SKIC3: variants seen among roughly 807,000 people sequenced by gnomAD.
The protein encoded by SKIC3 is superkiller complex protein 3.
chr5:95,523,187 A>C, the SKIC3 span: 1 of 1,613,576 alleles, frequency 6.2e-7, no homozygotes, highest in South Asian at 1.1e-5. Context: ...GTTTAAATAC[A>C]ATAAGGTGCC....
the SKIC3 span, chr5:95,464,674 A>G: frequency 6.2e-7 from 1 of 1,612,806 alleles, no homozygotes; most frequent in African/African-American, 1.3e-5. Context: ...GGCATTGTTT[A>G]CCAGCACCTA....
chr5:95,536,990 T>C, the SKIC3 span: 2 of 1,602,782 alleles, frequency 1.2e-6, no homozygotes, highest in African/African-American at 2.7e-5. Context: ...ATGAACACTT[T>C]CCTAATTAGA....
the SKIC3 span, chr5:95,525,356 C>T: frequency 6.4e-7 from 1 of 1,563,282 alleles, no homozygotes; most frequent in Non-Finnish European, 8.8e-7. Context: ...ATATAAAGAA[C>T]TAAGATGTAA....
chr5:95,486,610 C>T, the SKIC3 span, among the ~76,000 whole-genome samples: 1 of 152,214 alleles, frequency 6.6e-6, no homozygotes, highest in African/African-American at 2.4e-5. Context: ...GCTCCATTCC[C>T]CAGAGTACCC....
At chr5:95,479,675 TTGTGTGTGTGTGTGTGTG>T in the SKIC3 span, among the ~76,000 whole-genome samples, 38 of 143,986 alleles carry the variant, frequency 2.6e-4, no homozygotes, top group Admixed American at 7.7e-4. Flanking sequence ...GGAAAAAACA[TTGTGTGTGTGTGTGTGTG>T]TGTGTGTGTG....
the SKIC3 span, among the ~76,000 whole-genome samples, chr5:95,503,460 A>G: frequency 1.3e-5 from 2 of 152,242 alleles, no homozygotes; most frequent in Non-Finnish European, 2.9e-5. Context: ...TATTACTAAC[A>G]ATGGTTGAGG....
chr5:95,498,432 C>T, the SKIC3 span: 3 of 1,614,102 alleles, frequency 1.9e-6, no homozygotes, highest in Admixed American at 3.3e-5. Context: ...GTGCATAAAT[C>T]GCTGATGTAA....
chr5:95,526,213 C>G, the SKIC3 span, among the ~76,000 whole-genome samples: 3 of 151,930 alleles, frequency 2.0e-5, no homozygotes, highest in Non-Finnish European at 2.9e-5. Flanking sequence ...AATGATAATG[C>G]CTTGTCTCTT....
the SKIC3 span, among the ~76,000 whole-genome samples, chr5:95,490,654 C>T: frequency 2.0e-5 from 3 of 151,736 alleles, no homozygotes; most frequent in East Asian, 1.9e-4. Flanking sequence ...CCCGCCACCA[C>T]GCTCAGCTAA....
chr5:95,552,695 G>A, the SKIC3 span, among the ~76,000 whole-genome samples: 1 of 152,060 alleles, frequency 6.6e-6, no homozygotes, highest in African/African-American at 2.4e-5. Context: ...AAAATGGCGG[G>A]AGGGAAGTAG....
At chr5:95,511,239 C>A in the SKIC3 span, among the ~76,000 whole-genome samples, 1 of 151,974 alleles carries the variant, frequency 6.6e-6, no homozygotes, top group Non-Finnish European at 1.5e-5. Context: ...TGAAACCCCA[C>A]CTCTACTAAA....
the SKIC3 span, among the ~76,000 whole-genome samples, chr5:95,532,928 A>T: frequency 1.3e-5 from 2 of 152,166 alleles, no homozygotes; most frequent in African/African-American, 2.4e-5. Context: ...AAAGCTGATC[A>T]ATACTATCTA....
the SKIC3 span, among the ~76,000 whole-genome samples, chr5:95,542,393 A>C: frequency 6.6e-6 from 1 of 152,186 alleles, no homozygotes; most frequent in Non-Finnish European, 1.5e-5. Context: ...TAACTAACAT[A>C]ACCATGCTAC....
chr5:95,490,924 A>T, the SKIC3 span: 1 of 1,614,176 alleles, frequency 6.2e-7, no homozygotes, highest in Non-Finnish European at 8.5e-7. Flanking sequence ...CAGAAACAGC[A>T]GATAACAGTG....
chr5:95,516,649 T>C, the SKIC3 span: 6 of 1,613,182 alleles, frequency 3.7e-6, no homozygotes, highest in Non-Finnish European at 5.1e-6. Flanking sequence ...TCTAAAAATA[T>C]TGAAGTGTTA....
At chr5:95,482,370 G>A in the SKIC3 span, 2 of 1,198,790 alleles carry the variant, frequency 1.7e-6, no homozygotes, top group Non-Finnish European at 1.2e-6. Flanking sequence ...ATAACATGGT[G>A]AGAGTGACAG....
At chr5:95,476,734 G>T in the SKIC3 span, among the ~76,000 whole-genome samples, 3 of 152,124 alleles carry the variant, frequency 2.0e-5, no homozygotes, top group Admixed American at 2.0e-4. Flanking sequence ...ACCAGAACAT[G>T]GGCTCTTAGA....
the SKIC3 span, among the ~76,000 whole-genome samples, chr5:95,526,990 C>T: frequency 2.4e-3 from 363 of 152,292 alleles, 3 homozygotes; most frequent in African/African-American, 8.5e-3. Context: ...AGCATCCCCC[C>T]AAACATTTGT....
At chr5:95,503,048 C>G in the SKIC3 span, 1 of 1,610,978 alleles carries the variant, frequency 6.2e-7, no homozygotes, top group African/African-American at 1.3e-5. Flanking sequence ...TAAAAGCCAT[C>G]CTGATTGATG....
Sources: gnomAD v4.1 joint callset for allele counts (sites outside exome capture counted in the v4.1 genomes callset) on GRCh38, gnomAD v4.1.1 for gene constraint, MANE v1.5 for transcripts, NCBI Gene and HGNC (gene_info 2026-07-23, HGNC 2026-07-21) for gene names.